Variants in ZNF76 observed in about 807,000 individuals in gnomAD.
The protein encoded by ZNF76 is zinc finger protein 76.
ZNF76 carries 66 observed loss-of-function variants against 66.9 expected under a neutral mutation model. The ratio of observed to expected loss-of-function variants is 0.99; its 90% CI spans 0.81 to 1.21. ZNF76 has a LOEUF of 1.21. ZNF76 is among the 50% of genes most tolerant of loss of function. The probability of loss-of-function intolerance (pLI) is 0.00; values close to 1 mark genes in which losing one functional copy is unlikely to be tolerated. For synonymous variants in ZNF76, 275 were observed against 296.1 expected (o/e 0.93, Z 0.73); for missense variants, 729 against 760.3 (o/e 0.96, Z 0.48).
At chr6:35,283,940 T>G (rs960370655) in intron 2 of ZNF76, among the ~76,000 whole-genome samples, 10 of 152,190 alleles carry the variant, frequency 6.6e-5, no homozygotes, top group Non-Finnish European at 1.0e-4. Flanking sequence ...AGACTCAGTT[T>G]GGGAGCAAGT....
intron 5 of ZNF76, 141 bp from the exon 6 acceptor site, chr6:35,290,125 C>T (rs563469384): frequency 1.5e-4 from 165 of 1,098,510 alleles, no homozygotes; most frequent in African/African-American, 1.4e-3. Context: ...GTTCCTTGTC[C>T]GTCTAGTTAT....
chr6:35,272,128 A>G (rs1787161722), intron 1 of ZNF76, among the ~76,000 whole-genome samples: 1 of 151,984 alleles, frequency 6.6e-6, no homozygotes, highest in Non-Finnish European at 1.5e-5. Flanking sequence ...CAACAAAAAC[A>G]GTTTGAAGAC....
chr6:35,276,913 C>G (rs1231865172), intron 1 of ZNF76, among the ~76,000 whole-genome samples: 1 of 150,424 alleles, frequency 6.6e-6, no homozygotes, highest in Non-Finnish European at 1.5e-5. Flanking sequence ...TCTCCTGCCT[C>G]AGCCTCCCAA....
intron 2 of ZNF76, among the ~76,000 whole-genome samples, chr6:35,281,436 G>C (rs968973731): frequency 6.6e-6 from 1 of 152,150 alleles, no homozygotes; most frequent in Non-Finnish European, 1.5e-5. Context: ...CCAGTCATAG[G>C]AACCAATACC....
intron 1 of ZNF76, among the ~76,000 whole-genome samples, chr6:35,268,998 C>A (rs1194141259): frequency 6.6e-6 from 1 of 151,780 alleles, no homozygotes; most frequent in East Asian, 1.9e-4. Context: ...AGTATGAGGC[C>A]AGCCGGGTGT....
chr6:35,269,131 A>C (rs752184101), intron 1 of ZNF76, among the ~76,000 whole-genome samples: 1 of 151,418 alleles, frequency 6.6e-6, no homozygotes, highest in Non-Finnish European at 1.5e-5. Context: ...AAATACAAAA[A>C]TTTGCCGGGC....
chr6:35,275,168 A>G (rs1311949509), intron 1 of ZNF76, among the ~76,000 whole-genome samples: 1 of 152,062 alleles, frequency 6.6e-6, no homozygotes, highest in Non-Finnish European at 1.5e-5. Flanking sequence ...AAAAAAAAGA[A>G]AAAAAATTGC....
rs1305563377 is a variant in ZNF76, at chr6:35,292,711, C to T, written c.1089C>T (p.His363=). The T allele has an allele frequency of 6.2e-7, 1 of 1,614,210 alleles. No individual in the cohort carries two copies. Among genetic ancestry groups the T allele is most frequent in the Non-Finnish European group, 8.5e-7 (1 of 1,180,048 alleles). Residue 363 remains histidine, a synonymous_variant, in exon 10 of 14, where the codon CAC becomes CAT. Coordinates refer to ENST00000373953, the MANE Select transcript of ZNF76 (RefSeq NM_003427.5). This position sits in a 1 kb window ranked among gnomAD's most constrained non-coding sequence, Gnocchi z 4.7. ...TYRQTSTLAM[H]KRSAHGELEA... The stretch of plus-strand genomic sequence containing the variant: ...GGCAGACCTCCACCTTGGCCATGCA[C>T]AAGCGCAGTGCCCACGGCGAGCTGG...
rs376382203 is a variant in ZNF76 at position 35,291,731 on chromosome 6, C to T, written c.925C>T (p.His309Tyr). The T allele has an allele frequency of 6.2e-7, 1 of 1,607,878 alleles. No individual in the cohort carries two copies. The highest frequency in any genetic ancestry group is 1.3e-5 in the African/African-American group (1 of 75,036). Reference protein sequence around the residue: ...ATNYKNHVRIHTGEKPYVCTV... With the variant: ...ATNYKNHVRIYTGEKPYVCTV... ...CAACTATAAGAATCACGTGCGCATC[C>T]ACACAGGTGGGCTAGCTGGCATGCG... Residue 309 changes from histidine to tyrosine, a missense_variant, in exon 9 of 14, where the codon CAC becomes TAC. His to Tyr is a moderately conservative substitution (Grantham distance 83, BLOSUM62 2). Transcript: ENST00000373953.
chr6:35,271,681 A>AG (rs1787082434), intron 1 of ZNF76, among the ~76,000 whole-genome samples: 1 of 151,558 alleles, frequency 6.6e-6, no homozygotes, highest in Non-Finnish European at 1.5e-5. Context: ...AAAAAAAAAA[A>AG]AAAGAAAAAA....
At chr6:35,260,112 C>T (rs879707232) in intron 1 of ZNF76, among the ~76,000 whole-genome samples, 1 of 152,118 alleles carries the variant, frequency 6.6e-6, no homozygotes, top group Non-Finnish European at 1.5e-5. Context: ...CCCACTGACC[C>T]CAAGACCTCA....
intron 1 of ZNF76, among the ~76,000 whole-genome samples, chr6:35,276,791 G>GTTTTTTTTTTTTTTTTTTTTTTTTGGT (rs10571257): frequency 1.0e-5 from 1 of 97,068 alleles, no homozygotes; most frequent in African/African-American, 4.0e-5. Context: ...TTATTTATGG[G>GTTTTTTTTTTTTTTTTTTTTTTTTGGT]TTTTTTTTTT....
chr6:35,290,320 A>C lies in ZNF76; in HGVS notation c.487A>C (p.Arg163=). ...TGGAAAAGGGCAGCAAGTTGGAGACAGAGCATTCCGCTGTGGCTACAAGGG... is the reference window on the plus strand; with the variant it reads ...TGGAAAAGGGCAGCAAGTTGGAGACCGAGCATTCCGCTGTGGCTACAAGGG... The part of the protein sequence containing the change: ...RNGKGQQVGD[R]AFRCGYKGCG... The change falls in exon 6 of 14, where the codon AGA becomes CGA. Residue 163 remains arginine (R), a synonymous_variant. Transcript: ENST00000373953. 7 of 1,614,226 alleles carry C rather than the reference A, an allele frequency of 4.3e-6. No homozygotes were observed. The highest frequency in any genetic ancestry group is 4.2e-6 in the Non-Finnish European group (5 of 1,180,028).
rs746943727 is a variant in ZNF76, at chr6:35,291,742, G to C, written c.931+5G>C. On this transcript the variant is annotated splice_donor_5th_base_variant and intron_variant, in intron 9 of 13. Transcript: ENST00000373953. ...ATCACGTGCGCATCCACACAGGTGG[G>C]CTAGCTGGCATGCGAGGACTACCCT... is the stretch of plus-strand genomic sequence containing the variant. The C allele has an allele frequency of 6.2e-7, 1 of 1,605,308 alleles. No individual in the cohort carries two copies. Among genetic ancestry groups the C allele is most frequent in the East Asian group, 2.2e-5 (1 of 44,868 alleles).
chr6:35,286,149 AG>A lies in ZNF76; in HGVS notation c.97del (p.Val33Ter). The A allele has an allele frequency of 1.9e-6, 3 of 1,614,184 alleles. No individual in the cohort carries two copies. Among genetic ancestry groups the A allele is most frequent in the Non-Finnish European group, 2.5e-6 (3 of 1,180,026 alleles). On this transcript the variant is annotated frameshift_variant, in exon 3 of 14. Coordinates refer to ENST00000373953, the MANE Select transcript of ZNF76 (RefSeq NM_003427.5). LOFTEE classifies it high-confidence loss of function. The stretch of plus-strand genomic sequence containing the variant: ...ACAGGAGAGAAGCTTCTTGAAGGGC[AG>A]GTGATCCAGCTCGAGGATGGGACCA... Reference protein sequence around the residue: ...AVKGEKLLEGQVIQLEDGTTA... With the variant: ...AVKGEKLLEGXVIQLEDGTTA...
intron 1 of ZNF76, among the ~76,000 whole-genome samples, chr6:35,264,723 C>G (rs1201640171): frequency 6.6e-6 from 1 of 152,076 alleles, no homozygotes; most frequent in Non-Finnish European, 1.5e-5. Flanking sequence ...TAGTCCTAAC[C>G]TTTCTCTGAC....
intron 1 of ZNF76, among the ~76,000 whole-genome samples, chr6:35,277,020 A>G (rs1788018291): frequency 6.6e-6 from 1 of 150,874 alleles, no homozygotes; most frequent in Non-Finnish European, 1.5e-5. Flanking sequence ...GCTGGTCTCG[A>G]ACTCCTGATC....
intron 1 of ZNF76, among the ~76,000 whole-genome samples, chr6:35,280,718 T>G (rs1432329602): frequency 6.6e-6 from 1 of 152,104 alleles, no homozygotes; most frequent in South Asian, 2.1e-4. Flanking sequence ...ACAGGAGAGA[T>G]GTTGGAGTAG....
At chr6:35,293,094 CT>C in intron 11 of ZNF76, 50 bp downstream of exon 11, 13 of 1,586,808 alleles carry the variant, frequency 8.2e-6, no homozygotes, top group Non-Finnish European at 1.0e-5. Flanking sequence ...ACTCTCCACT[CT>C]CTCTGGGGAC....
Sources: allele counts gnomAD v4.1 joint callset (sites outside exome capture counted in the v4.1 genomes callset), GRCh38; gene constraint gnomAD v4.1.1; non-coding constraint Gnocchi (gnomAD v3.1); transcripts MANE v1.5; gene names NCBI Gene and HGNC (gene_info 2026-07-23, HGNC 2026-07-21).